RHBDD1: variants seen among roughly 807,000 people sequenced by gnomAD.
RHBDD1 encodes the protein rhomboid domain containing 1, also known as rhomboid-related protein 4.
Under a neutral mutation model 36.3 loss-of-function variants are expected in RHBDD1, and 38 were observed. The observed-to-expected ratio is 1.05, with a 90% CI of 0.81 to 1.37. RHBDD1 has a LOEUF of 1.37. RHBDD1 is among the 40% of genes most tolerant of loss of function. RHBDD1 has a pLI of 0.00. For synonymous variants in RHBDD1, 151 were observed against 136.5 expected (o/e 1.11, Z -0.74); for missense variants, 393 against 377.6 (o/e 1.04, Z -0.34).
chr2:226,902,334 T>TC (rs912672692), intron 5 of RHBDD1, among the ~76,000 whole-genome samples: 2 of 152,118 alleles, frequency 1.3e-5, no homozygotes, highest in Admixed American at 1.3e-4. Context: ...TGGATCATCT[T>TC]CCCCCAAAGC....
intron 5 of RHBDD1, among the ~76,000 whole-genome samples, chr2:226,900,675 T>C (rs1055007090): frequency 1.3e-5 from 2 of 152,208 alleles, no homozygotes; most frequent in African/African-American, 4.8e-5. Flanking sequence ...GATTTCCTGC[T>C]AAAACAAGTA....
At chr2:226,888,614 T>G (rs1559235303) in intron 5 of RHBDD1, among the ~76,000 whole-genome samples, 1 of 152,258 alleles carries the variant, frequency 6.6e-6, no homozygotes, top group East Asian at 1.9e-4. Flanking sequence ...TGTCTTGTTT[T>G]TTTTTTCTTT....
At chr2:226,958,879 A>C (rs544534016) in intron 8 of RHBDD1, among the ~76,000 whole-genome samples, 78 of 152,234 alleles carry the variant, frequency 5.1e-4, no homozygotes, top group African/African-American at 1.8e-3. Flanking sequence ...AGAGCTAGAC[A>C]TAAGACATTT....
chr2:226,937,614 C>A (rs1339404243), intron 8 of RHBDD1, among the ~76,000 whole-genome samples: 1 of 152,114 alleles, frequency 6.6e-6, no homozygotes, highest in Non-Finnish European at 1.5e-5. Context: ...CTCCAATAGG[C>A]ACCATTGTGC....
At chr2:226,926,223 T>TAAA (rs35951338) in intron 8 of RHBDD1, among the ~76,000 whole-genome samples, 12 of 126,716 alleles carry the variant, frequency 9.5e-5, no homozygotes, top group African/African-American at 3.1e-4. Context: ...ACTAAGTAAA[T>TAAA]AAAAAAAAAA....
At chr2:226,887,966 T>C (rs1946373013) in intron 5 of RHBDD1, among the ~76,000 whole-genome samples, 1 of 152,210 alleles carries the variant, frequency 6.6e-6, no homozygotes, top group Non-Finnish European at 1.5e-5. Context: ...CGTATGCAGA[T>C]GGTGAAGTAG....
chr2:226,945,145 G>T (rs1035785715), intron 8 of RHBDD1, among the ~76,000 whole-genome samples: 4 of 144,818 alleles, frequency 2.8e-5, no homozygotes, highest in South Asian at 2.3e-4. Flanking sequence ...GATCAAATCT[G>T]ATTATTATTA....
intron 5 of RHBDD1, among the ~76,000 whole-genome samples, chr2:226,893,113 A>G (rs1946824610): frequency 1.3e-5 from 2 of 152,156 alleles, no homozygotes; most frequent in Non-Finnish European, 2.9e-5. Flanking sequence ...TGTCTGTATG[A>G]TGAACTTCCT....
the RHBDD1 span, among the ~76,000 whole-genome samples, chr2:226,823,237 A>C: frequency 0.077 from 11,666 of 152,224 alleles, 495 homozygotes; most frequent in East Asian, 0.14. Context: ...CCAGATACCA[A>C]ATCTGTCAGT....
At chr2:226,931,478 T>C (rs1158933846) in intron 8 of RHBDD1, among the ~76,000 whole-genome samples, 1 of 152,098 alleles carries the variant, frequency 6.6e-6, no homozygotes, top group South Asian at 2.1e-4. Flanking sequence ...TAACAGACTT[T>C]TGAGACTCAG....
At chr2:226,860,009 TA>T (rs55874400) in intron 3 of RHBDD1, among the ~76,000 whole-genome samples, 30,732 of 151,586 alleles carry the variant, frequency 0.2, 5,250 homozygotes, top group African/African-American at 0.47. Context: ...AGTAGATTGA[TA>T]AAAAAAAACT....
intron 5 of RHBDD1, among the ~76,000 whole-genome samples, chr2:226,898,103 T>A (rs1254420774): frequency 1.3e-5 from 2 of 152,180 alleles, no homozygotes; most frequent in Non-Finnish European, 2.9e-5. Context: ...AGATCTGCCC[T>A]CATGACCCAG....
chr2:226,860,178 G>A (rs1227167418), intron 3 of RHBDD1, among the ~76,000 whole-genome samples: 1 of 152,100 alleles, frequency 6.6e-6, no homozygotes, highest in East Asian at 1.9e-4. Context: ...ATGAGAGGAG[G>A]AGCTGATTTG....
At chr2:226,938,261 C>T (rs969869029) in intron 8 of RHBDD1, among the ~76,000 whole-genome samples, 1 of 151,760 alleles carries the variant, frequency 6.6e-6, no homozygotes, top group African/African-American at 2.4e-5. Flanking sequence ...CTTTTCATGT[C>T]CTTTGCCCAC....
In RHBDD1 at chr2:226,998,568, C is replaced by CTAAG. The variant is rs1258830832; in HGVS notation, c.*3048_*3051dup. On this transcript the variant is annotated 3_prime_UTR_variant, in exon 9 of 9. Transcript: ENST00000392062. ...TCCCATGAATCATTGCAGTCATTCC[C>CTAAG]TAAGTTTCTTCTCTTTTTTTTTCAT... 1 of 152,014 alleles carries CTAAG rather than the reference C, an allele frequency of 6.6e-6. No homozygotes were observed. The highest frequency in any genetic ancestry group is 2.4e-5 in the African/African-American group (1 of 41,384). The allele number at this position is 152,014 out of a possible 1,614,324, so 9.4% of individuals were successfully genotyped here.
At chr2:226,841,401 C>A (rs980526451) in intron 3 of RHBDD1, among the ~76,000 whole-genome samples, 28 of 152,156 alleles carry the variant, frequency 1.8e-4, no homozygotes, top group African/African-American at 5.8e-4. Flanking sequence ...CACAGATCAT[C>A]CTGTCACCTA....
intron 3 of RHBDD1, among the ~76,000 whole-genome samples, chr2:226,863,186 A>G (rs1944014403): frequency 6.6e-6 from 1 of 152,106 alleles, no homozygotes; most frequent in Non-Finnish European, 1.5e-5. Flanking sequence ...AGTCTCTACT[A>G]AAAATAGCCA....
At chr2:226,802,056 T>C in the RHBDD1 span, among the ~76,000 whole-genome samples, 1 of 149,278 alleles carries the variant, frequency 6.7e-6, no homozygotes, top group African/African-American at 2.4e-5. Flanking sequence ...ATAAAGGTAC[T>C]GTACCTCTAT....
At chr2:226,900,445 C>T (rs1014348908) in intron 5 of RHBDD1, among the ~76,000 whole-genome samples, 1 of 152,098 alleles carries the variant, frequency 6.6e-6, no homozygotes, top group Non-Finnish European at 1.5e-5. Context: ...GACTGTATGT[C>T]AGTATCACAG....
Sources: allele counts gnomAD v4.1 joint callset (sites outside exome capture counted in the v4.1 genomes callset), GRCh38; gene constraint gnomAD v4.1.1; transcripts MANE v1.5; gene names NCBI Gene and HGNC (gene_info 2026-07-23, HGNC 2026-07-21).